The following HACE1 variants were observed in gnomAD, a reference collection of about 807,000 sequenced individuals.
The protein encoded by HACE1 is E3 ubiquitin-protein ligase HACE1.
In HACE1, 73 loss-of-function variants were observed where a neutral mutation model predicts 118.4. That is an observed-to-expected ratio of 0.62 (90% confidence interval 0.51 to 0.75). The LOEUF (loss-of-function observed/expected upper bound fraction) is 0.75, where lower values mean the gene tolerates loss of function less well. Ranked by LOEUF, HACE1 falls within the 30% of genes least tolerant of loss-of-function variation. The pLI is 0.00. For synonymous variants in HACE1, 368 were observed against 374.8 expected (o/e 0.98, Z 0.21); for missense variants, 749 against 1,102.2 (o/e 0.68, Z 4.54).
chr6:104,851,876 T>C (rs1776243331), intron 2 of HACE1, among the ~76,000 whole-genome samples: 1 of 152,148 alleles, frequency 6.6e-6, no homozygotes, highest in African/African-American at 2.4e-5. Flanking sequence ...TTGTATTTCA[T>C]ATATGGCCCT....
At chr6:104,801,297 G>T (rs13195396) in intron 7 of HACE1, among the ~76,000 whole-genome samples, 22,060 of 152,016 alleles carry the variant, frequency 0.15, 1,617 homozygotes, top group Middle Eastern at 0.22. Flanking sequence ...CACTCTTTAG[G>T]ATATTATCCA....
At chr6:104,744,757 G>A (rs1777220197) in intron 20 of HACE1, 147 bp from the exon 21 acceptor site, 1 of 637,308 alleles carries the variant, frequency 1.6e-6, no homozygotes, top group East Asian at 2.8e-5. Flanking sequence ...TCAACAACAA[G>A]CATTACATGA....
rs1299587110 is a variant in HACE1, at chr6:104,814,230, C to T, written c.535-2837G>A. On this transcript the variant is annotated intron_variant, in intron 6 of 23. Coordinates refer to ENST00000262903, the MANE Select transcript of HACE1 (RefSeq NM_020771.4). ...GGTGCCAGGTTTAAAAGGCTCAACA[C>T]GTGTCTAGTCTATTAAATCAAAAGA... 2.9e-5 allele frequency among the ~76,000 whole-genome samples: 4 copies of T among 137,400 alleles called. 2 individuals carry two copies. Among genetic ancestry groups the T allele is most frequent in the Admixed American group, 1.4e-4 (2 of 13,908 alleles). 90.1% of individuals were successfully genotyped at this position (137,400 alleles called of 152,430 possible).
intron 22 of HACE1, among the ~76,000 whole-genome samples, chr6:104,738,980 C>T (rs916679594): frequency 6.8e-6 from 1 of 147,638 alleles, no homozygotes; most frequent in African/African-American, 2.6e-5. Context: ...TCGGCAGAAA[C>T]CCTACAAGCC....
Position 104,824,783 on chromosome 6 carries a change from T to G in HACE1, c.534+8259A>C, listed in dbSNP as rs142052305. ...AAAAAAAGTGACAAACATTTAGAAA[T>G]GCAAAGAAGGCCGGGCACGGTGGCT... On this transcript the variant is annotated intron_variant, in intron 6 of 23. Coordinates refer to ENST00000262903, the MANE Select transcript of HACE1 (RefSeq NM_020771.4). 829 of 151,600 alleles carry G rather than the reference T, an allele frequency of 5.5e-3. 9 individuals carry two copies. Among genetic ancestry groups the G allele is most frequent in the Non-Finnish European group, 8.3e-3 (566 of 67,918 alleles). 9.4% of individuals were successfully genotyped at this position (151,600 alleles called of 1,614,324 possible). A position where few individuals can be genotyped will look rare whatever the true frequency, so the allele number is the denominator to read the frequency against.
At position 104,811,339 on chromosome 6, in the gene HACE1, C is replaced by A; in HGVS notation, c.589G>T (p.Gly197Ter). The change falls in exon 7 of 24, where the codon GGA (glycine) becomes TGA (stop). Residue 197 changes from glycine to a stop codon, truncating the protein, a stop_gained. Transcript: ENST00000262903. LOFTEE classifies it high-confidence loss of function. ...GADINRPNVS[G>*]ATPLYFACSH... is the part of the protein sequence containing the mutation. ...CAAGCAAAGTACAATGGAGTTGCTC[C>A]TGATACATTTGGCCTGTTAATATCA... 1 of 1,532,770 alleles carries A rather than the reference C, an allele frequency of 6.5e-7. No individual in the cohort carries two copies. Among genetic ancestry groups the A allele is most frequent in the Non-Finnish European group, 9.0e-7 (1 of 1,110,410 alleles). The allele number at this position is 1,532,770 out of a possible 1,614,324, so 94.9% of individuals were successfully genotyped here.
intron 22 of HACE1, chr6:104,731,982 T>A (rs935870610): frequency 6.6e-6 from 1 of 151,802 alleles, no homozygotes; most frequent in African/African-American, 2.4e-5. Context: ...AACATCACCA[T>A]TTACTAGGGA....
At chr6:104,761,558 G>C (rs758662808) in intron 19 of HACE1, among the ~76,000 whole-genome samples, 3 of 152,106 alleles carry the variant, frequency 2.0e-5, no homozygotes, top group Non-Finnish European at 2.9e-5. Context: ...CAAGACGGAT[G>C]AAAGACTTAA....
At chr6:104,774,325 C>T (rs1324299007) in intron 17 of HACE1, among the ~76,000 whole-genome samples, 5 of 121,936 alleles carry the variant, frequency 4.1e-5, no homozygotes, top group African/African-American at 1.8e-4. Flanking sequence ...CTCCTGACCT[C>T]GTGATCCGCC....
intron 20 of HACE1, 121 bp downstream of exon 20, chr6:104,750,220 C>T (rs184019835): frequency 9.4e-5 from 77 of 822,134 alleles, no homozygotes; most frequent in Middle Eastern, 3.2e-4. Context: ...GGACATTAAA[C>T]CATTTTGTCT....
At chr6:104,853,479 T>G (rs191770494) in intron 1 of HACE1, among the ~76,000 whole-genome samples, 59 of 152,304 alleles carry the variant, frequency 3.9e-4, no homozygotes, top group African/African-American at 1.3e-3. Flanking sequence ...TCAATGTATT[T>G]TGGAGGTTTA....
At chr6:104,826,862 T>C (rs1446596726) in intron 6 of HACE1, among the ~76,000 whole-genome samples, 1 of 152,156 alleles carries the variant, frequency 6.6e-6, no homozygotes, top group African/African-American at 2.4e-5. Flanking sequence ...CAAAAAAAAC[T>C]ATCTATTCCC....
chr6:104,771,836 T>C (rs898113237), intron 18 of HACE1, 89 bp downstream of exon 18: 1 of 917,536 alleles, frequency 1.1e-6, no homozygotes, highest in African/African-American at 1.7e-5. Context: ...AATTATCTCA[T>C]CCAAAATACT....
chr6:104,766,075 C>T (rs1026618739), intron 19 of HACE1, among the ~76,000 whole-genome samples: 11 of 152,136 alleles, frequency 7.2e-5, no homozygotes, highest in Admixed American at 7.2e-4. Context: ...AATACCTCTG[C>T]ACCACAGAGC....
intron 6 of HACE1, among the ~76,000 whole-genome samples, chr6:104,829,082 T>C (rs1272543042): frequency 1.3e-5 from 2 of 151,842 alleles, no homozygotes; most frequent in African/African-American, 4.8e-5. Context: ...ATAAAATATA[T>C]ATAATCAGAA....
intron 5 of HACE1, 36 bp from the exon 6 acceptor site, chr6:104,833,209 T>C (rs756927008): frequency 1.9e-6 from 3 of 1,589,404 alleles, no homozygotes; most frequent in East Asian, 2.2e-5. Context: ...ATTTGTGTAA[T>C]AGTGTTTTAT....
chr6:104,796,938 T>C lies in HACE1; in HGVS notation c.705A>G (p.Leu235=), dbSNP rs144672667. Residue 235 remains leucine, a synonymous_variant, in exon 8 of 24, where the codon TTA becomes TTG. Transcript: ENST00000262903. ...TAAATGAAAAACACACCTGTACACA[T>C]AAATCCAGAGGAGTTACTCCATTTT... is the stretch of plus-strand genomic sequence containing the variant. The part of the protein sequence containing the change: ...PDKNGVTPLD[L]CVQGGYGETC... 2.7e-4 allele frequency: 413 copies of C among 1,555,466 alleles called. 1 individual carries two copies. In the African/African-American group the frequency reaches 5.1e-3, roughly 19 times the overall value.
rs777598892 is a variant in HACE1 at position 104,795,639 on chromosome 6, T to C, written c.863A>G (p.Tyr288Cys). 3 of 1,613,448 alleles carry C rather than the reference T, an allele frequency of 1.9e-6. No homozygotes were observed. Among genetic ancestry groups the C allele is most frequent in the Non-Finnish European group, 1.7e-6 (2 of 1,179,432 alleles). Residue 288 changes from tyrosine to cysteine, a missense_variant, in exon 10 of 24, where the codon TAC becomes TGC. This residue lies in a region of HACE1 where 267 missense variants were observed against 312.2 expected (regional missense o/e 0.86). Coordinates refer to ENST00000262903, the MANE Select transcript of HACE1 (RefSeq NM_020771.4). Reference protein sequence around the residue: ...EHLSQQSESQYLKILTSLAEV... With the variant: ...EHLSQQSESQCLKILTSLAEV... ...AGCAAGGCTTGTTAGAATCTTTAGG[T>C]ACTGGCTTTCACTTTGCTGAGACAA...
chr6:104,791,450 C>T, intron 11 of HACE1, 54 bp downstream of exon 11: 2 of 1,483,102 alleles, frequency 1.3e-6, no homozygotes, highest in East Asian at 2.3e-5. Context: ...CATGCTTTGT[C>T]AAATTCATCT....
Sources: gnomAD v4.1 joint callset for allele counts (sites outside exome capture counted in the v4.1 genomes callset) on GRCh38, gnomAD v4.1.1 for gene constraint, gnomAD v4.1.1 regional missense constraint, MANE v1.5 for transcripts, NCBI Gene and HGNC (gene_info 2026-07-23, HGNC 2026-07-21) for gene names.